Variants in PCDH15 observed in about 807,000 individuals in gnomAD.
PCDH15 encodes protocadherin related 15.
In PCDH15, 129 loss-of-function variants were observed where a neutral mutation model predicts 178.5. The ratio of observed to expected loss-of-function variants is 0.72; its 90% confidence interval spans 0.63 to 0.84. PCDH15 has a LOEUF of 0.84. PCDH15 is among the 40% of genes least tolerant of loss of function. The probability of loss-of-function intolerance (pLI) is 0.00; values close to 1 mark genes in which losing one functional copy is unlikely to be tolerated. For synonymous variants in PCDH15, 800 were observed against 732.0 expected (o/e 1.09, Z -1.50); for missense variants, 2,230 against 2,099.9 (o/e 1.06, Z -1.21).
chr10:53,866,516 G>A (rs956359905), intron 27 of PCDH15, 126 bp downstream of exon 27: 1 of 672,942 alleles, frequency 1.5e-6, no homozygotes, highest in Non-Finnish European at 2.7e-6. Flanking sequence ...AACAATCTGA[G>A]TGAAAATAAT....
chr10:54,146,170 G>A (rs2133237790), intron 14 of PCDH15, among the ~76,000 whole-genome samples: 1 of 152,042 alleles, frequency 6.6e-6, no homozygotes, highest in South Asian at 2.1e-4. Context: ...AACTTAGCAT[G>A]TACATTTGTC....
intron 2 of PCDH15, among the ~76,000 whole-genome samples, chr10:55,071,202 A>G (rs1379805492): frequency 2.6e-5 from 4 of 152,174 alleles, no homozygotes; most frequent in Non-Finnish European, 5.9e-5. Context: ...AATGAGCAAA[A>G]TAACCAGCTA....
At chr10:54,256,888 G>A (rs959066947) in intron 8 of PCDH15, among the ~76,000 whole-genome samples, 1 of 152,014 alleles carries the variant, frequency 6.6e-6, no homozygotes, top group South Asian at 2.1e-4. Context: ...GAAATTTTTT[G>A]TTGAAATTTT....
chr10:55,095,329 AAATAAAAT>A (rs1331000074), intron 2 of PCDH15, among the ~76,000 whole-genome samples: 2 of 152,002 alleles, frequency 1.3e-5, no homozygotes, highest in East Asian at 1.9e-4. Context: ...ATATATTAAA[AAATAAAAT>A]TAAAGTGTTA....
At chr10:55,594,880 T>C (rs1842909200) in intron 2 of PCDH15, among the ~76,000 whole-genome samples, 1 of 152,012 alleles carries the variant, frequency 6.6e-6, no homozygotes, top group Non-Finnish European at 1.5e-5. Context: ...ACTGCAATAA[T>C]ATGGAGACTG....
At chr10:55,056,720 C>T (rs1841316228) in intron 2 of PCDH15, among the ~76,000 whole-genome samples, 1 of 151,460 alleles carries the variant, frequency 6.6e-6, no homozygotes, top group South Asian at 2.1e-4. Context: ...GCAACCTCCA[C>T]CTCCCAGATT....
chr10:54,792,676 G>T (rs1951535838), intron 1 of PCDH15, among the ~76,000 whole-genome samples: 1 of 151,766 alleles, frequency 6.6e-6, no homozygotes, highest in Admixed American at 6.6e-5. Context: ...AGTATTCCTG[G>T]ATCTCCAGCT....
chr10:55,318,069 A>G (rs1233784170), intron 1 of PCDH15, among the ~76,000 whole-genome samples: 1 of 152,200 alleles, frequency 6.6e-6, no homozygotes, highest in African/African-American at 2.4e-5. Flanking sequence ...TAGAGCGTAA[A>G]ACAACAATCA....
intron 32 of PCDH15, among the ~76,000 whole-genome samples, chr10:53,820,458 C>T (rs771762478): frequency 6.6e-6 from 1 of 151,996 alleles, no homozygotes; most frequent in African/African-American, 2.4e-5. Flanking sequence ...AGGGGGCTCT[C>T]AACTTATATT....
intron 3 of PCDH15, among the ~76,000 whole-genome samples, chr10:54,466,962 A>G (rs1307301868): frequency 6.6e-6 from 1 of 151,800 alleles, no homozygotes; most frequent in Non-Finnish European, 1.5e-5. Flanking sequence ...TAGCTAATTC[A>G]TTACTGGTAT....
chr10:54,692,908 TAAC>T (rs906630920), intron 1 of PCDH15, among the ~76,000 whole-genome samples: 16 of 151,788 alleles, frequency 1.1e-4, no homozygotes, highest in African/African-American at 3.4e-4. Flanking sequence ...ACAACAACAA[TAAC>T]AACAACAACC....
At chr10:55,273,829 T>C (rs1178972047) in intron 1 of PCDH15, among the ~76,000 whole-genome samples, 1 of 152,128 alleles carries the variant, frequency 6.6e-6, no homozygotes, top group African/African-American at 2.4e-5. Context: ...TAACCTATTA[T>C]ATTTTTAGAA....
At chr10:54,900,382 C>A (rs541346992) in intron 2 of PCDH15, among the ~76,000 whole-genome samples, 19 of 152,070 alleles carry the variant, frequency 1.2e-4, no homozygotes, top group African/African-American at 4.6e-4. Context: ...ATAAACAGGG[C>A]AGATTGAAGG....
chr10:55,593,287 A>G (rs1842878320), intron 2 of PCDH15, among the ~76,000 whole-genome samples: 1 of 152,032 alleles, frequency 6.6e-6, no homozygotes, highest in Admixed American at 6.6e-5. Context: ...AAATGTTGTT[A>G]GGTAATATTT....
intron 1 of PCDH15, among the ~76,000 whole-genome samples, chr10:55,281,691 A>G (rs1842738219): frequency 6.6e-6 from 1 of 152,156 alleles, no homozygotes; most frequent in Admixed American, 6.6e-5. Flanking sequence ...GATCAAATCC[A>G]TATATTAACC....
chr10:55,296,664 C>A (rs1396989121), intron 1 of PCDH15, among the ~76,000 whole-genome samples: 1 of 152,110 alleles, frequency 6.6e-6, no homozygotes, highest in Non-Finnish European at 1.5e-5. Flanking sequence ...GTCACAGAAG[C>A]ATTAATACAT....
intron 2 of PCDH15, among the ~76,000 whole-genome samples, chr10:55,615,874 C>A (rs540357357): frequency 6.6e-6 from 1 of 151,974 alleles, no homozygotes; most frequent in Admixed American, 6.6e-5. Flanking sequence ...GCAGCCTGGG[C>A]GACAGAGCAA....
chr10:55,407,599 A>T (rs770807043), intron 2 of PCDH15, among the ~76,000 whole-genome samples: 5 of 152,172 alleles, frequency 3.3e-5, no homozygotes, highest in Non-Finnish European at 7.3e-5. Flanking sequence ...CAGGGAAAAG[A>T]TCTGATGCAT....
At chr10:55,496,535 T>C (rs1840538180) in intron 2 of PCDH15, among the ~76,000 whole-genome samples, 2 of 151,758 alleles carry the variant, frequency 1.3e-5, no homozygotes, top group African/African-American at 4.8e-5. Flanking sequence ...CTGTAGAAAA[T>C]AGGAACCACG....
Sources: gnomAD v4.1 joint callset for allele counts (sites outside exome capture counted in the v4.1 genomes callset) on GRCh38, gnomAD v4.1.1 for gene constraint, MANE v1.5 for transcripts, NCBI Gene and HGNC (gene_info 2026-07-23, HGNC 2026-07-21) for gene names.